Variants in DMP1 observed in about 807,000 individuals in gnomAD.
The protein encoded by DMP1 is dentin matrix protein 1.
A neutral mutation model predicts 14.6 loss-of-function variants in DMP1; 20 were observed. The ratio of observed to expected loss-of-function variants is 1.37; its 90% CI spans 0.96 to 1.99. The LOEUF is 1.99. Among genes scored for constraint, DMP1 ranks in the 30% most tolerant of loss-of-function variants. The pLI is 0.00. For missense variants in DMP1, 567 were observed against 620.5 expected (o/e 0.91, Z 0.92); for synonymous variants, 197 against 215.3 (o/e 0.91, Z 0.75).
At chr4:87,656,672 G>T in intron 2 of DMP1, 126 bp downstream of exon 2, 1 of 768,450 alleles carries the variant, frequency 1.3e-6, no homozygotes. Flanking sequence ...TTCTTAGCAT[G>T]CTGTTTTCTT....
At chr4:87,652,466 T>G (rs977171416) in intron 1 of DMP1, among the ~76,000 whole-genome samples, 1 of 152,198 alleles carries the variant, frequency 6.6e-6, no homozygotes, top group Non-Finnish European at 1.5e-5. Flanking sequence ...CTATATTTTT[T>G]GGGTGGCAAC....
chr4:87,663,234 A>C lies in DMP1; in HGVS notation c.1456A>C (p.Ile486Leu). Residue 486 changes from isoleucine (I) to leucine (L), a missense_variant, in exon 6 of 6, where the codon ATA becomes CTA. Ile to Leu is a conservative substitution (Grantham distance 5). Coordinates refer to ENST00000339673, the MANE Select transcript of DMP1 (RefSeq NM_004407.4). ...AGATGGCCAGTTGAAAAACATTGAG[A>C]TAGAGAGCCGGAAATTAACAGTTGA... ...EEDGQLKNIE[I>L]ESRKLTVDAY... The C allele has an allele frequency of 1.2e-6, 2 of 1,614,228 alleles. No individual in the cohort carries two copies. Among genetic ancestry groups the C allele is most frequent in the South Asian group, 2.2e-5 (2 of 91,082 alleles).
chr4:87,655,471 T>G (rs1225074738), intron 1 of DMP1, among the ~76,000 whole-genome samples: 1 of 152,198 alleles, frequency 6.6e-6, no homozygotes. Flanking sequence ...CCTTCAGTAC[T>G]GTGAATGACA....
At chr4:87,654,578 CAA>C (rs1728633122) in intron 1 of DMP1, among the ~76,000 whole-genome samples, 1 of 152,002 alleles carries the variant, frequency 6.6e-6, no homozygotes, top group Non-Finnish European at 1.5e-5. Flanking sequence ...TGTTTGTTTA[CAA>C]AGAGTCCGAG....
intron 2 of DMP1, 100 bp from the exon 3 acceptor site, chr4:87,656,932 C>G: frequency 1.3e-6 from 1 of 786,142 alleles, no homozygotes; most frequent in South Asian, 1.5e-5. Context: ...TCTGATGCAG[C>G]CTAAAATTTG....
chr4:87,663,469 G>A lies in DMP1; in HGVS notation c.*149G>A. On this transcript the variant is annotated 3_prime_UTR_variant, in exon 6 of 6. Transcript: ENST00000339673. Reference sequence around the variant, plus strand: ...AAAGGAATTGCTGGACATTACACTTGTTTTTAGGGTGTCATCATTTCACAG... The same window carrying A: ...AAAGGAATTGCTGGACATTACACTTATTTTTAGGGTGTCATCATTTCACAG... 8.6e-7 allele frequency: 1 copy of A among 1,166,136 alleles called. No homozygotes were observed. The highest frequency in any genetic ancestry group is 1.2e-6 in the Non-Finnish European group (1 of 809,614). The allele number at this position is 1,166,136 out of a possible 1,614,324, so 72.2% of individuals were successfully genotyped here.
At chr4:87,656,795 C>T (rs1246521391) in intron 2 of DMP1, among the ~76,000 whole-genome samples, 1 of 152,146 alleles carries the variant, frequency 6.6e-6, no homozygotes, top group East Asian at 1.9e-4. Flanking sequence ...CCTGGAACCA[C>T]CAGCATCAGC....
intron 2 of DMP1, among the ~76,000 whole-genome samples, chr4:87,656,818 C>G (rs765915591): frequency 4.6e-5 from 7 of 152,200 alleles, no homozygotes; most frequent in Non-Finnish European, 8.8e-5. Flanking sequence ...CAACTAGGAC[C>G]TTGTTAGAAA....
intron 3 of DMP1, among the ~76,000 whole-genome samples, chr4:87,658,317 G>A (rs1326806034): frequency 6.6e-6 from 1 of 152,234 alleles, no homozygotes; most frequent in Non-Finnish European, 1.5e-5. Context: ...TGCGCCTTGG[G>A]TGTTCCACAC....
rs1432254437 is a variant in DMP1 at position 87,662,059 on chromosome 4, G to A, written c.281G>A (p.Ser94Asn). The A allele has an allele frequency of 2.5e-6, 4 of 1,614,240 alleles. No homozygotes were observed. Among genetic ancestry groups the A allele is most frequent in the Non-Finnish European group, 3.4e-6 (4 of 1,180,034 alleles). ...IYRLAGGFSR[S>N]TGKGGDDKDD... Reference sequence around the variant, plus strand: ...AGGCTAGCTGGTGGCTTCTCCAGGAGCACAGGAAAAGGAGGAGATGATAAA... The same window carrying A: ...AGGCTAGCTGGTGGCTTCTCCAGGAACACAGGAAAAGGAGGAGATGATAAA... The change falls in exon 6 of 6, where the codon AGC becomes AAC. Residue 94 changes from serine (S) to asparagine (N), a missense_variant. Coordinates refer to ENST00000339673, the MANE Select transcript of DMP1 (RefSeq NM_004407.4).
At position 87,662,452 on chromosome 4, in the gene DMP1, G is replaced by A. The variant is rs373051924; in HGVS notation, c.674G>A (p.Ser225Asn). 105 of 1,614,212 alleles carry A rather than the reference G, an allele frequency of 6.5e-5. No individual in the cohort carries two copies. The Middle Eastern group carries it at 1.3e-3, about 20-fold the overall frequency. The change falls in exon 6 of 6, where the codon AGT becomes AAT. Residue 225 changes from serine (S) to asparagine (N), a missense_variant. Physicochemically the swap from Ser to Asn is conservative, Grantham distance 46 (BLOSUM62 1). Coordinates refer to ENST00000339673, the MANE Select transcript of DMP1 (RefSeq NM_004407.4). The part of the protein sequence containing the change: ...MQSDDPESIR[S>N]ERGNSRMNSA... ...AGTGATGACCCAGAGAGCATCAGGA[G>A]TGAAAGGGGAAACTCCAGAATGAAC...
At position 87,662,079 on chromosome 4, in the gene DMP1, G is replaced by T. The variant is rs775270253; in HGVS notation, c.301G>T (p.Asp101Tyr). The stretch of plus-strand genomic sequence containing the variant: ...CAGGAGCACAGGAAAAGGAGGAGAT[G>T]ATAAAGATGACGATGAAGATGACAG... ...FSRSTGKGGD[D>Y]KDDDEDDSGD... Residue 101 changes from aspartate (D) to tyrosine (Y), a missense_variant, in exon 6 of 6, where the codon GAT becomes TAT. Asp to Tyr is a radical substitution (Grantham distance 160). Transcript: ENST00000339673. 6.2e-7 allele frequency: 1 copy of T among 1,614,082 alleles called. No individual in the cohort carries two copies. Among genetic ancestry groups the T allele is most frequent in the African/African-American group, 1.3e-5 (1 of 74,926 alleles).
intron 1 of DMP1, among the ~76,000 whole-genome samples, chr4:87,656,225 C>A (rs543096473): frequency 6.6e-6 from 1 of 152,272 alleles, no homozygotes; most frequent in African/African-American, 2.4e-5. Context: ...TCCAATGTGG[C>A]CTTTTTATCT....
rs76370957 is a variant in DMP1, at chr4:87,663,600, C to T, written c.*280C>T. ...GCTGAGATAGTTCCTAATTCATCAACGTAACAAACAAAGCTATTGGGTGTC... is the reference window on the plus strand; with the variant it reads ...GCTGAGATAGTTCCTAATTCATCAATGTAACAAACAAAGCTATTGGGTGTC... On this transcript the variant is annotated 3_prime_UTR_variant, in exon 6 of 6. Transcript: ENST00000339673. 19,436 of 481,014 alleles carry T rather than the reference C, an allele frequency of 0.04. 498 individuals carry two copies. The highest frequency in any genetic ancestry group is 0.11 in the Middle Eastern group (181 of 1,662). 29.8% of individuals were successfully genotyped at this position (481,014 alleles called of 1,614,324 possible).
rs747771988 is a variant in DMP1 at position 87,663,332 on chromosome 4, C to G, written c.*12C>G. The G allele has an allele frequency of 6.2e-7, 1 of 1,614,170 alleles. No homozygotes were observed. Reference sequence around the variant, plus strand: ...AAGACGGCTATTAGCATCAGCTGTCCTAAGAAGCAGTTGTCACATAAAGGA... The same window carrying G: ...AAGACGGCTATTAGCATCAGCTGTCGTAAGAAGCAGTTGTCACATAAAGGA... On this transcript the variant is annotated 3_prime_UTR_variant, in exon 6 of 6. Coordinates refer to ENST00000339673, the MANE Select transcript of DMP1 (RefSeq NM_004407.4).
At position 87,663,562 on chromosome 4, in the gene DMP1, T is replaced by C; in HGVS notation, c.*242T>C. 1.7e-6 allele frequency: 1 copy of C among 573,744 alleles called. No individual in the cohort carries two copies. The highest frequency in any genetic ancestry group is 3.2e-5 in the East Asian group (1 of 31,608). 35.5% of individuals were successfully genotyped at this position (573,744 alleles called of 1,614,324 possible). A position where few individuals can be genotyped will look rare whatever the true frequency, so the allele number is the denominator to read the frequency against. The stretch of plus-strand genomic sequence containing the variant: ...GGCTAGAAGCAAGAAAGGATCTGCA[T>C]GATAACTTTGCAGCTGAGATAGTTC... On this transcript the variant is annotated 3_prime_UTR_variant, in exon 6 of 6. Coordinates refer to ENST00000339673, the MANE Select transcript of DMP1 (RefSeq NM_004407.4).
chr4:87,654,659 G>T (rs1728635103), intron 1 of DMP1, among the ~76,000 whole-genome samples: 1 of 152,166 alleles, frequency 6.6e-6, no homozygotes, highest in Admixed American at 6.5e-5. Context: ...GAGGCAAGTG[G>T]TTGCATTCCT....
At chr4:87,656,641 C>T in intron 2 of DMP1, 95 bp downstream of exon 2, 1 of 842,962 alleles carries the variant, frequency 1.2e-6, no homozygotes, top group Non-Finnish European at 2.1e-6. Flanking sequence ...GTGTATGTTC[C>T]AGTCCAGTAA....
rs1228965136 is a variant in DMP1, at chr4:87,656,556, A to C, written c.54+10A>C. The C allele has an allele frequency of 2.5e-6, 4 of 1,587,418 alleles. No homozygotes were observed. The highest frequency in any genetic ancestry group is 3.5e-6 in the Non-Finnish European group (4 of 1,155,830). On this transcript the variant is annotated intron_variant, in intron 2 of 5. Transcript: ENST00000339673. ...ATCCTGTGCTCTCCCAGTAAGTATTAGGGTAGGGATATATGAAAAAACCCT... is the reference window on the plus strand; with the variant it reads ...ATCCTGTGCTCTCCCAGTAAGTATTCGGGTAGGGATATATGAAAAAACCCT...
Sources: allele counts gnomAD v4.1 joint callset (sites outside exome capture counted in the v4.1 genomes callset), GRCh38; gene constraint gnomAD v4.1.1; transcripts MANE v1.5; gene names NCBI Gene and HGNC (gene_info 2026-07-23, HGNC 2026-07-21).